The following THSD4 variants were observed in gnomAD, a reference collection of about 807,000 sequenced individuals.
THSD4 encodes the protein thrombospondin type 1 domain containing 4, also known as thrombospondin type-1 domain-containing protein 4.
THSD4 carries 69 observed loss-of-function variants against 119.0 expected under a neutral mutation model. That is an observed-to-expected ratio of 0.58 (90% CI 0.48 to 0.71). THSD4 has a LOEUF of 0.71. THSD4 is among the 30% of genes least tolerant of loss of function. The pLI is 0.00. For synonymous variants in THSD4, 524 were observed against 540.4 expected, an observed-to-expected ratio of 0.97 and a Z score of 0.42; for missense variants, 1,393 against 1,391.1, an observed-to-expected ratio of 1.00 and a Z score of -0.02.
chr15:71,574,019 G>T (rs1595895855), intron 7 of THSD4, among the ~76,000 whole-genome samples: 1 of 152,204 alleles, frequency 6.6e-6, no homozygotes, highest in Admixed American at 6.5e-5. Context: ...GGTATTGACT[G>T]AAGAGGCGAA....
At chr15:71,404,254 C>G (rs1037156007) in intron 6 of THSD4, among the ~76,000 whole-genome samples, 2 of 152,146 alleles carry the variant, frequency 1.3e-5, no homozygotes, top group African/African-American at 4.8e-5. Context: ...ATTATCCCCT[C>G]TCTTCAGGCC....
intron 6 of THSD4, among the ~76,000 whole-genome samples, chr15:71,302,412 A>G (rs934864593): frequency 6.6e-6 from 1 of 152,278 alleles, no homozygotes; most frequent in Non-Finnish European, 1.5e-5. Context: ...TGAATCAGGG[A>G]CACAGCAGAG....
At chr15:71,445,111 A>G (rs2047162404) in intron 7 of THSD4, among the ~76,000 whole-genome samples, 1 of 151,964 alleles carries the variant, frequency 6.6e-6, no homozygotes, top group African/African-American at 2.4e-5. Context: ...ACCTTTTCCT[A>G]TCTGTACACA....
chr15:71,311,186 G>A (rs1027355534), intron 6 of THSD4, among the ~76,000 whole-genome samples: 15 of 152,160 alleles, frequency 9.9e-5, no homozygotes, highest in Non-Finnish European at 1.8e-4. Flanking sequence ...TCAAGAGGCA[G>A]GATAGAGAAT....
At chr15:71,345,723 T>TA (rs2045647848) in intron 6 of THSD4, among the ~76,000 whole-genome samples, 2 of 152,188 alleles carry the variant, frequency 1.3e-5, no homozygotes, top group African/African-American at 4.8e-5. Flanking sequence ...AAGAACATCT[T>TA]TCTAAGATGC....
intron 7 of THSD4, among the ~76,000 whole-genome samples, chr15:71,584,414 G>A (rs1330277391): frequency 4.6e-5 from 7 of 151,654 alleles, no homozygotes; most frequent in South Asian, 4.2e-4. Context: ...GATTACAGGC[G>A]TCTACCACCA....
chr15:71,774,700 C>G (rs1170055461), intron 17 of THSD4, among the ~76,000 whole-genome samples: 2 of 151,872 alleles, frequency 1.3e-5, no homozygotes, highest in Admixed American at 6.6e-5. Context: ...TCACTTGAGC[C>G]CAGGAACCCG....
Position 71,748,511 on chromosome 15 carries a change from A to G in THSD4, c.2332A>G (p.Met778Val), listed in dbSNP as rs1488146375. 3 of 1,614,114 alleles carry G rather than the reference A, an allele frequency of 1.9e-6. No individual in the cohort carries two copies. Among genetic ancestry groups the G allele is most frequent in the Non-Finnish European group, 2.5e-6 (3 of 1,180,048 alleles). ...GDVVDDEECN[M>V]KLRPNDIENC... ...TGTGGTTGACGATGAGGAATGCAAC[A>G]TGAAGCTCCGGCCGAATGACATTGA... is the stretch of plus-strand genomic sequence containing the variant. The change falls in exon 14 of 18, where the codon ATG becomes GTG. Residue 778 changes from methionine to valine, a missense_variant. Met to Val is a conservative substitution (Grantham distance 21). Coordinates refer to ENST00000261862, the MANE Select transcript of THSD4 (RefSeq NM_024817.3).
intron 4 of THSD4, among the ~76,000 whole-genome samples, chr15:71,227,763 A>G (rs1320322805): frequency 1.3e-5 from 2 of 152,102 alleles, no homozygotes; most frequent in Non-Finnish European, 1.5e-5. Context: ...CGAGCCCACA[A>G]TGTGGACACG....
At chr15:71,594,047 G>A (rs1381746157) in intron 7 of THSD4, among the ~76,000 whole-genome samples, 1 of 152,074 alleles carries the variant, frequency 6.6e-6, no homozygotes, top group Non-Finnish European at 1.5e-5. Flanking sequence ...GTGGTGAGGT[G>A]GGGCAGCTGG....
intron 7 of THSD4, among the ~76,000 whole-genome samples, chr15:71,581,587 AT>A (rs2049560107): frequency 6.6e-6 from 1 of 151,982 alleles, no homozygotes; most frequent in African/African-American, 2.4e-5. Context: ...CAACAAAAAA[AT>A]ATTATTGCCT....
intron 10 of THSD4, among the ~76,000 whole-genome samples, chr15:71,735,211 G>T (rs2053059025): frequency 6.6e-6 from 1 of 152,134 alleles, no homozygotes; most frequent in Non-Finnish European, 1.5e-5. Context: ...TTCCGCTGAG[G>T]TGCCACCGGG....
chr15:71,273,324 T>G (rs546907143), intron 6 of THSD4, among the ~76,000 whole-genome samples: 180 of 152,290 alleles, frequency 1.2e-3, no homozygotes, highest in African/African-American at 4.1e-3. Flanking sequence ...CTCACTTTTA[T>G]GTGGAATGTA....
chr15:71,224,260 G>A (rs1405874290), intron 4 of THSD4, among the ~76,000 whole-genome samples: 2 of 152,136 alleles, frequency 1.3e-5, no homozygotes, highest in Non-Finnish European at 2.9e-5. Context: ...AGGCGAGACT[G>A]GGGAAGTCCA....
intron 6 of THSD4, among the ~76,000 whole-genome samples, chr15:71,315,015 C>T (rs1035467140): frequency 6.6e-6 from 1 of 152,124 alleles, no homozygotes; most frequent in African/African-American, 2.4e-5. Context: ...GGGCTATTTT[C>T]CACCTGGGGT....
At chr15:71,407,847 T>C (rs1010582683) in intron 6 of THSD4, among the ~76,000 whole-genome samples, 1 of 152,198 alleles carries the variant, frequency 6.6e-6, no homozygotes, top group Admixed American at 6.5e-5. Flanking sequence ...ATCCAGGATG[T>C]CTGGGGTGAG....
intron 3 of THSD4, among the ~76,000 whole-genome samples, chr15:71,212,978 C>T (rs994156595): frequency 2.0e-5 from 3 of 152,194 alleles, no homozygotes; most frequent in African/African-American, 7.2e-5. Context: ...GCCCATTTTC[C>T]TTCCTTGTTC....
intron 7 of THSD4, among the ~76,000 whole-genome samples, chr15:71,435,403 G>A (rs1400043898): frequency 6.6e-6 from 1 of 152,092 alleles, no homozygotes; most frequent in Non-Finnish European, 1.5e-5. Flanking sequence ...GGAGTTTTTA[G>A]GCTATCTTTC....
intron 7 of THSD4, among the ~76,000 whole-genome samples, chr15:71,646,325 G>A (rs896721816): frequency 6.6e-6 from 1 of 152,152 alleles, no homozygotes; most frequent in Non-Finnish European, 1.5e-5. Flanking sequence ...GAGTCCATAA[G>A]TTGTCAAAAT....
Sources: gnomAD v4.1 joint callset for allele counts (sites outside exome capture counted in the v4.1 genomes callset) on GRCh38, gnomAD v4.1.1 for gene constraint, MANE v1.5 for transcripts, NCBI Gene and HGNC (gene_info 2026-07-23, HGNC 2026-07-21) for gene names.